Variants in GPC6 observed in about 807,000 individuals in gnomAD.
GPC6 encodes glypican 6.
A neutral mutation model predicts 55.2 loss-of-function variants in GPC6; 14 were observed. The ratio of observed to expected loss-of-function variants is 0.25; its 90% confidence interval spans 0.17 to 0.40. GPC6 has a LOEUF of 0.40. Ranked by LOEUF, GPC6 falls within the 10% of genes least tolerant of loss-of-function variation. The pLI, the probability that GPC6 is intolerant of heterozygous loss-of-function variation, is 1.00. For missense variants in GPC6, 641 were observed against 708.5 expected (o/e 0.90, Z 1.08); for synonymous variants, 278 against 259.6 (o/e 1.07, Z -0.68).
intron 2 of GPC6, among the ~76,000 whole-genome samples, chr13:93,683,203 T>C (rs1312580339): frequency 1.3e-5 from 2 of 152,150 alleles, no homozygotes; most frequent in African/African-American, 4.8e-5. Flanking sequence ...ATATTTAGCT[T>C]TGTTCATTAC....
intron 1 of GPC6, among the ~76,000 whole-genome samples, chr13:93,393,125 TATAG>T (rs1203711353): frequency 0.011 from 1,050 of 96,648 alleles, 2 homozygotes; most frequent in African/African-American, 0.014. Context: ...TATATATATA[TATAG>T]AGAGAGAGAG....
intron 1 of GPC6, among the ~76,000 whole-genome samples, chr13:93,413,092 A>G (rs1813274487): frequency 6.6e-6 from 1 of 152,196 alleles, no homozygotes; most frequent in Admixed American, 6.6e-5. Flanking sequence ...TGTGATTATC[A>G]GTGATAAAAA....
chr13:94,403,831 C>G lies in GPC6; in HGVS notation c.*614C>G, dbSNP rs1333792389. 1 of 160,736 alleles carries G rather than the reference C, an allele frequency of 6.2e-6. No homozygotes were observed. Among genetic ancestry groups the G allele is most frequent in the African/African-American group, 2.4e-5 (1 of 41,552 alleles). The allele number at this position is 160,736 out of a possible 1,614,324, so 10.0% of individuals were successfully genotyped here. On this transcript the variant is annotated 3_prime_UTR_variant, in exon 9 of 9. Coordinates refer to ENST00000377047, the MANE Select transcript of GPC6 (RefSeq NM_005708.5). Reference sequence around the variant, plus strand: ...CATCTTGCACTCTAACCAAACAACACCAAATTAATCTGGAGGTACTGATAC... The same window carrying G: ...CATCTTGCACTCTAACCAAACAACAGCAAATTAATCTGGAGGTACTGATAC...
At chr13:94,312,587 A>G (rs1876302072) in intron 6 of GPC6, among the ~76,000 whole-genome samples, 1 of 152,218 alleles carries the variant, frequency 6.6e-6, no homozygotes, top group African/African-American at 2.4e-5. Context: ...TTGCATTTCA[A>G]AAGGATGTCA....
At chr13:94,216,634 T>A (rs1020327637) in intron 4 of GPC6, among the ~76,000 whole-genome samples, 13 of 152,146 alleles carry the variant, frequency 8.5e-5, no homozygotes, top group Non-Finnish European at 1.9e-4. Context: ...GAAAGTTAGT[T>A]ATTCACTTCC....
intron 2 of GPC6, among the ~76,000 whole-genome samples, chr13:93,548,386 A>G (rs1283872533): frequency 2.0e-5 from 3 of 152,314 alleles, no homozygotes; most frequent in South Asian, 2.1e-4. Context: ...AATTGCATAC[A>G]TGTGATCCAG....
chr13:94,017,391 G>A (rs944184083), intron 3 of GPC6, among the ~76,000 whole-genome samples: 1 of 152,122 alleles, frequency 6.6e-6, no homozygotes, highest in Non-Finnish European at 1.5e-5. Context: ...TCACAATCAT[G>A]GCAGAAGGCA....
intron 3 of GPC6, among the ~76,000 whole-genome samples, chr13:93,875,194 A>G (rs1486141454): frequency 1.3e-5 from 2 of 151,912 alleles, no homozygotes; most frequent in Non-Finnish European, 2.9e-5. Flanking sequence ...TGGGGCCTCA[A>G]TTTCCATTTT....
chr13:93,327,840 A>G (rs1879710957), intron 1 of GPC6, among the ~76,000 whole-genome samples: 1 of 152,038 alleles, frequency 6.6e-6, no homozygotes. Context: ...TGTTAAACTC[A>G]TATTTTAAGC....
At chr13:93,231,433 A>ATATATATATATATATACG (rs1876059853) in intron 1 of GPC6, among the ~76,000 whole-genome samples, 1 of 122,378 alleles carries the variant, frequency 8.2e-6, no homozygotes, top group Non-Finnish European at 1.7e-5. Context: ...ACGTATATAT[A>ATATATATATATATATACG]TATATATAGT....
At chr13:93,320,258 C>T (rs1594094219) in intron 1 of GPC6, among the ~76,000 whole-genome samples, 1 of 152,058 alleles carries the variant, frequency 6.6e-6, no homozygotes. Context: ...TCCAGAATAA[C>T]TGACTCTTAG....
intron 2 of GPC6, among the ~76,000 whole-genome samples, chr13:93,583,679 G>A (rs1329769894): frequency 6.6e-6 from 1 of 152,218 alleles, no homozygotes; most frequent in Non-Finnish European, 1.5e-5. Context: ...GTCTCCCAAA[G>A]TGCTGGGATT....
At chr13:93,958,821 G>A (rs1221437310) in intron 3 of GPC6, among the ~76,000 whole-genome samples, 1 of 152,114 alleles carries the variant, frequency 6.6e-6, no homozygotes, top group African/African-American at 2.4e-5. Context: ...CATGAGCATG[G>A]AATGTTTTTC....
At chr13:93,684,310 C>T (rs1881961320) in intron 2 of GPC6, among the ~76,000 whole-genome samples, 2 of 152,006 alleles carry the variant, frequency 1.3e-5, no homozygotes, top group Non-Finnish European at 2.9e-5. Flanking sequence ...CTCAACCTCC[C>T]GAGTAGCTGG....
chr13:93,658,308 G>A (rs1190042533), intron 2 of GPC6, among the ~76,000 whole-genome samples: 1 of 151,684 alleles, frequency 6.6e-6, no homozygotes, highest in African/African-American at 2.4e-5. Context: ...CTTTTATTTA[G>A]CAAAATATTT....
chr13:93,634,536 G>C (rs1879612470), intron 2 of GPC6, among the ~76,000 whole-genome samples: 1 of 152,150 alleles, frequency 6.6e-6, no homozygotes, highest in Admixed American at 6.5e-5. Context: ...TCTTTAACAA[G>C]AAGTCAGAAT....
At chr13:93,330,288 G>A (rs1879799310) in intron 1 of GPC6, among the ~76,000 whole-genome samples, 1 of 152,152 alleles carries the variant, frequency 6.6e-6, no homozygotes, top group Non-Finnish European at 1.5e-5. Flanking sequence ...AATTTGGGAG[G>A]CCAGGGTAGG....
intron 4 of GPC6, among the ~76,000 whole-genome samples, chr13:94,193,223 G>A (rs1406432516): frequency 6.6e-6 from 1 of 152,140 alleles, no homozygotes; most frequent in African/African-American, 2.4e-5. Context: ...CTAATAGTTT[G>A]TATAGTTTCT....
chr13:93,659,450 T>C (rs1880826687), intron 2 of GPC6, among the ~76,000 whole-genome samples: 2 of 151,994 alleles, frequency 1.3e-5, no homozygotes, highest in Admixed American at 1.3e-4. Context: ...GGAATTTAGT[T>C]ACTTAATTAG....
Sources: gnomAD v4.1 joint callset for allele counts (sites outside exome capture counted in the v4.1 genomes callset) on GRCh38, gnomAD v4.1.1 for gene constraint, MANE v1.5 for transcripts, NCBI Gene and HGNC (gene_info 2026-07-23, HGNC 2026-07-21) for gene names.